The following C4orf51 variants were observed in gnomAD, a reference collection of about 807,000 sequenced individuals.
The protein encoded by C4orf51 is uncharacterized protein C4orf51.
In C4orf51, 25 loss-of-function variants were observed where a neutral mutation model predicts 25.2. That is an observed-to-expected ratio of 0.99 (90% CI 0.72 to 1.39). C4orf51 has a LOEUF of 1.39. Ranked by LOEUF, C4orf51 falls within the 40% of genes most tolerant of loss-of-function variation. C4orf51 has a pLI of 0.00. For synonymous variants in C4orf51, 100 were observed against 84.5 expected, an observed-to-expected ratio of 1.18 and a Z score of -1.01; for missense variants, 252 against 239.6, an observed-to-expected ratio of 1.05 and a Z score of -0.34.
At chr4:145,760,025 T>A (rs1020280443) in intron 1 of C4orf51, 1 of 152,252 alleles carries the variant, frequency 6.6e-6, no homozygotes, top group Admixed American at 6.5e-5. Flanking sequence ...TGCTGCGAGA[T>A]ATTTCTTCCA....
chr4:145,693,965 G>T, intron 1 of C4orf51, among the ~76,000 whole-genome samples: 1 of 142,990 alleles, frequency 7.0e-6, no homozygotes, highest in East Asian at 2.2e-4. Flanking sequence ...CTGCCGGGCG[G>T]AGAGGCTCCT....
At chr4:145,772,114 TAAGGTTCAAGC>T (rs1280428649), downstream of C4orf51, among the ~76,000 whole-genome samples, 2 of 152,220 alleles carry the variant, frequency 1.3e-5, no homozygotes, top group Admixed American at 1.3e-4. Flanking sequence ...ACTAGGACTC[TAAGGTTCAAGC>T]AAGGGCCACA....
At chr4:145,717,420 A>T (rs893300748) in intron 2 of C4orf51, among the ~76,000 whole-genome samples, 3 of 152,226 alleles carry the variant, frequency 2.0e-5, no homozygotes, top group Non-Finnish European at 2.9e-5. Flanking sequence ...TCTCTTCATT[A>T]AGAGGTAACA....
chr4:145,751,441 A>G (rs1260192597), intron 1 of C4orf51, among the ~76,000 whole-genome samples: 1 of 152,120 alleles, frequency 6.6e-6, no homozygotes, highest in Non-Finnish European at 1.5e-5. Flanking sequence ...AATTCTCTGG[A>G]TTACCAGGTA....
intron 1 of C4orf51, among the ~76,000 whole-genome samples, chr4:145,694,317 A>C (rs1560825149): frequency 6.9e-6 from 1 of 145,444 alleles, no homozygotes; most frequent in Non-Finnish European, 1.5e-5. Flanking sequence ...CTCACATCCC[A>C]GACGATGGGC....
At chr4:145,754,562 A>T (rs546266026), downstream of C4orf51, among the ~76,000 whole-genome samples, 12 of 152,214 alleles carry the variant, frequency 7.9e-5, no homozygotes, top group Non-Finnish European at 5.9e-5. Context: ...CAGATCAAAC[A>T]GTTCAGTAAA....
chr4:145,701,653 T>C (rs923538010), intron 2 of C4orf51, among the ~76,000 whole-genome samples: 4 of 151,572 alleles, frequency 2.6e-5, no homozygotes, highest in African/African-American at 7.3e-5. Context: ...TCCGTCCCCT[T>C]CTTAATCAAT....
chr4:145,726,932 G>A lies in C4orf51; in HGVS notation c.329G>A (p.Arg110Lys), dbSNP rs184976257. ...GCAGGACTATTCCCTGATATAACCA[G>A]GCCCTTTAAAAAGTCATTTGATGTC... The part of the protein sequence containing the change: ...DIKGLFPDIT[R>K]PFKKSFDVKH... Residue 110 changes from arginine to lysine, a missense_variant, in exon 3 of 6, where the codon AGG becomes AAG. Transcript: ENST00000438731. 621 of 1,613,364 alleles carry A rather than the reference G, an allele frequency of 3.8e-4. 3 individuals are homozygous for A. The African/African-American group carries it at 5.9e-3, about 15-fold the overall frequency.
chr4:145,681,841 T>G (rs921609230), intron 1 of C4orf51, among the ~76,000 whole-genome samples: 2 of 152,190 alleles, frequency 1.3e-5, no homozygotes, highest in Non-Finnish European at 2.9e-5. Flanking sequence ...ACTTATGACC[T>G]AGTCACCTCT....
intron 2 of C4orf51, among the ~76,000 whole-genome samples, chr4:145,703,697 T>C (rs1730613039): frequency 6.6e-6 from 1 of 152,246 alleles, no homozygotes; most frequent in Non-Finnish European, 1.5e-5. Flanking sequence ...GTCAGAAAGC[T>C]TTCTCCCTAT....
intron 1 of C4orf51, among the ~76,000 whole-genome samples, chr4:145,682,574 C>T (rs1728904363): frequency 1.3e-5 from 2 of 152,174 alleles, no homozygotes; most frequent in Non-Finnish European, 1.5e-5. Context: ...AAACATTATA[C>T]ATTACACTTT....
chr4:145,729,446 C>T (rs1053702856), intron 4 of C4orf51, among the ~76,000 whole-genome samples: 13 of 151,938 alleles, frequency 8.6e-5, no homozygotes, highest in South Asian at 8.3e-4. Flanking sequence ...GGACTACCGG[C>T]GCCCGCCACC....
At chr4:145,694,073 G>A (rs545268980) in intron 1 of C4orf51, among the ~76,000 whole-genome samples, 62 of 137,828 alleles carry the variant, frequency 4.5e-4, no homozygotes, top group African/African-American at 1.6e-3. Context: ...ACGGGGTCTC[G>A]GCCGGGCAGA....
chr4:145,711,365 C>T (rs1387764075), intron 2 of C4orf51, among the ~76,000 whole-genome samples: 5 of 152,170 alleles, frequency 3.3e-5, no homozygotes, highest in African/African-American at 4.8e-5. Flanking sequence ...TCTAACAGCT[C>T]GCCTAACAAT....
chr4:145,781,228 G>GAAAA, the C4orf51 span, among the ~76,000 whole-genome samples: 14 of 99,674 alleles, frequency 1.4e-4, no homozygotes, highest in Non-Finnish European at 2.0e-4. Flanking sequence ...GAAAAAAAAA[G>GAAAA]AAAAAAAAAA....
chr4:145,738,463 TATA>T (rs1392729174), intron 1 of C4orf51, among the ~76,000 whole-genome samples: 3 of 148,446 alleles, frequency 2.0e-5, no homozygotes, highest in Non-Finnish European at 4.5e-5. Flanking sequence ...AAAAAACATA[TATA>T]TATATATATA....
At chr4:145,710,746 C>A (rs940563699) in intron 2 of C4orf51, among the ~76,000 whole-genome samples, 3 of 151,914 alleles carry the variant, frequency 2.0e-5, no homozygotes, top group African/African-American at 7.3e-5. Flanking sequence ...GACAGTTAAG[C>A]CTGTCTCTCT....
At position 145,765,380 on chromosome 4, in the gene C4orf51, G is replaced by A. The variant is rs1394368058; in HGVS notation, n.167-5608G>A. Reference sequence around the variant, plus strand: ...CTCCCCATCCTTCCACCCCATACTCGGATTCAAATTAAGCCAAAAGAAATA... The same window carrying A: ...CTCCCCATCCTTCCACCCCATACTCAGATTCAAATTAAGCCAAAAGAAATA... On this transcript the variant is annotated intron_variant and non_coding_transcript_variant, in intron 1 of 1. Transcript: ENST00000510096. This position sits in a 1 kb window ranked among gnomAD's most constrained non-coding sequence, Gnocchi z 4.7. 2.0e-5 allele frequency among the ~76,000 whole-genome samples: 3 copies of A among 152,084 alleles called. No homozygotes were observed. Among genetic ancestry groups the A allele is most frequent in the African/African-American group, 4.8e-5 (2 of 41,422 alleles).
intron 1 of C4orf51, among the ~76,000 whole-genome samples, chr4:145,686,392 A>G (rs1348460209): frequency 6.6e-6 from 1 of 152,208 alleles, no homozygotes. Context: ...AAAAATAACT[A>G]AAATGATAAA....
Sources: gnomAD v4.1 joint callset for allele counts (sites outside exome capture counted in the v4.1 genomes callset) on GRCh38, gnomAD v4.1.1 for gene constraint, Gnocchi (gnomAD v3.1) non-coding constraint, MANE v1.5 for transcripts, NCBI Gene and HGNC (gene_info 2026-07-23, HGNC 2026-07-21) for gene names.